Variants in NRG3 observed in about 807,000 individuals in gnomAD.
NRG3 encodes pro-neuregulin-3, membrane-bound isoform.
In NRG3, 31 loss-of-function variants were observed where a neutral mutation model predicts 66.9. The ratio of observed to expected loss-of-function variants is 0.46; its 90% CI spans 0.35 to 0.63. The LOEUF (loss-of-function observed/expected upper bound fraction) is 0.63, where lower values mean the gene tolerates loss of function less well. Among genes scored for constraint, NRG3 ranks in the 20% least tolerant of loss-of-function variants. The pLI, the probability that NRG3 is intolerant of heterozygous loss-of-function variation, is 0.00. For missense variants in NRG3, 910 were observed against 878.9 expected (o/e 1.04, Z -0.45); for synonymous variants, 393 against 359.4 (o/e 1.09, Z -1.06).
intron 4 of NRG3, among the ~76,000 whole-genome samples, chr10:82,914,399 T>C (rs1206707830): frequency 1.3e-5 from 2 of 152,164 alleles, no homozygotes; most frequent in African/African-American, 4.8e-5. Context: ...GTAAAAGGGA[T>C]TGACATAAGT....
intron 2 of NRG3, among the ~76,000 whole-genome samples, chr10:82,417,301 A>G (rs1414070978): frequency 6.6e-6 from 1 of 152,200 alleles, no homozygotes; most frequent in African/African-American, 2.4e-5. Flanking sequence ...TGATGCTGGA[A>G]TTGAAATCCA....
intron 1 of NRG3, among the ~76,000 whole-genome samples, chr10:82,273,815 G>GT (rs1265101650): frequency 6.6e-6 from 1 of 151,914 alleles, no homozygotes; most frequent in Non-Finnish European, 1.5e-5. Context: ...GCCACAAGTT[G>GT]TTTTTTTCTT....
chr10:82,683,139 T>C (rs1034917285), intron 2 of NRG3, among the ~76,000 whole-genome samples: 1 of 151,906 alleles, frequency 6.6e-6, no homozygotes, highest in African/African-American at 2.4e-5. Context: ...TTTGTATTTT[T>C]AGTAGAGACG....
At chr10:82,751,733 A>C (rs891159055) in intron 3 of NRG3, among the ~76,000 whole-genome samples, 1 of 152,184 alleles carries the variant, frequency 6.6e-6, no homozygotes, top group African/African-American at 2.4e-5. Context: ...GAACATCATC[A>C]AGACTTATTG....
At chr10:81,901,466 G>C (rs1459852124) in intron 1 of NRG3, among the ~76,000 whole-genome samples, 1 of 152,114 alleles carries the variant, frequency 6.6e-6, no homozygotes, top group Non-Finnish European at 1.5e-5. Flanking sequence ...CCAGGAGTTT[G>C]AAACTAGCCT....
At chr10:82,101,674 G>A (rs1833867058) in intron 1 of NRG3, among the ~76,000 whole-genome samples, 1 of 151,658 alleles carries the variant, frequency 6.6e-6, no homozygotes, top group African/African-American at 2.4e-5. Context: ...GTTCAACTCT[G>A]TTATGCTAAG....
At chr10:82,408,115 G>GA (rs1165458434) in intron 2 of NRG3, among the ~76,000 whole-genome samples, 1 of 139,278 alleles carries the variant, frequency 7.2e-6, no homozygotes, top group Non-Finnish European at 1.5e-5. Context: ...AAGAAAGAAA[G>GA]AAAGAAAGAA....
At position 82,351,446 on chromosome 10, in the gene NRG3, A is replaced by G. The variant is rs540547330; in HGVS notation, c.824-7293A>G. ...CAGAAGAAGGAGAGCCATGTAATTC[A>G]AGTCTTTGGTGGCATCTCTTTCAAG... On this transcript the variant is annotated intron_variant, in intron 1 of 8. Transcript: ENST00000372141. Among the ~76,000 whole-genome samples the G allele has an allele frequency of 5.9e-5, 9 of 152,310 alleles. No homozygotes were observed. In the South Asian group the frequency reaches 1.9e-3, roughly 32 times the overall value.
intron 1 of NRG3, among the ~76,000 whole-genome samples, chr10:82,057,594 A>G (rs2063910658): frequency 6.6e-6 from 1 of 152,116 alleles, no homozygotes; most frequent in Non-Finnish European, 1.5e-5. Context: ...GGCCTTAGCA[A>G]TCTATAACTA....
intron 2 of NRG3, among the ~76,000 whole-genome samples, chr10:82,362,547 G>GT (rs1564840163): frequency 1.1e-3 from 51 of 47,230 alleles, no homozygotes; most frequent in East Asian, 4.5e-3. Flanking sequence ...ATAATTTCTG[G>GT]GTTTTTTTTT....
intron 2 of NRG3, among the ~76,000 whole-genome samples, chr10:82,687,081 C>G (rs1287245380): frequency 6.6e-6 from 1 of 152,180 alleles, no homozygotes; most frequent in Non-Finnish European, 1.5e-5. Flanking sequence ...GTCATCATGC[C>G]CTCCGGAGCA....
At chr10:81,904,006 T>G (rs997091416) in intron 1 of NRG3, among the ~76,000 whole-genome samples, 3 of 136,818 alleles carry the variant, frequency 2.2e-5, no homozygotes, top group Admixed American at 7.1e-5. Flanking sequence ...ATTTTTTTTT[T>G]TTGTTTGTTT....
chr10:82,881,461 T>C (rs576204757), intron 4 of NRG3, among the ~76,000 whole-genome samples: 1 of 152,340 alleles, frequency 6.6e-6, no homozygotes, highest in African/African-American at 2.4e-5. Context: ...CATGCTTGTA[T>C]GAGAATATGG....
At chr10:82,885,713 T>C (rs1351523807) in intron 4 of NRG3, among the ~76,000 whole-genome samples, 1 of 152,212 alleles carries the variant, frequency 6.6e-6, no homozygotes, top group African/African-American at 2.4e-5. Context: ...GGGGAAAGTT[T>C]ACCGGATATC....
At chr10:82,670,825 C>A (rs564636680) in intron 2 of NRG3, among the ~76,000 whole-genome samples, 1 of 152,260 alleles carries the variant, frequency 6.6e-6, no homozygotes, top group African/African-American at 2.4e-5. Flanking sequence ...CTTTTGTGTT[C>A]TTTTTAGGCA....
intron 1 of NRG3, among the ~76,000 whole-genome samples, chr10:82,116,570 A>G (rs2067733273): frequency 6.6e-6 from 1 of 152,186 alleles, no homozygotes; most frequent in Non-Finnish European, 1.5e-5. Context: ...GTGCATTTTA[A>G]AATAACGAAA....
chr10:82,703,056 TTC>T (rs72202035), intron 2 of NRG3, among the ~76,000 whole-genome samples: 21 of 149,570 alleles, frequency 1.4e-4, no homozygotes, highest in Admixed American at 2.7e-4. Flanking sequence ...TCTTTTGTCT[TTC>T]TCTCTCTCTC....
At chr10:82,729,294 AC>A (rs1292680131) in intron 2 of NRG3, among the ~76,000 whole-genome samples, 1 of 152,060 alleles carries the variant, frequency 6.6e-6, no homozygotes, top group Non-Finnish European at 1.5e-5. Context: ...TCTTCCAACA[AC>A]CTGTCATTGT....
At position 82,985,593 on chromosome 10, in the gene NRG3, A is replaced by T; in HGVS notation, c.2079A>T (p.Ala693=). 1 of 1,611,472 alleles carries T rather than the reference A, an allele frequency of 6.2e-7. No individual in the cohort carries two copies. Among genetic ancestry groups the T allele is most frequent in the Non-Finnish European group, 8.5e-7 (1 of 1,179,808 alleles). ...VLRNEIQRDS[A]LTK ...GAAATGAAATACAAAGAGACTCTGC[A>T]TTGACCAAGTGACTTGAGATGTAGG... The change falls in exon 9 of 9, where the codon GCA becomes GCT. Residue 693 remains alanine, a synonymous_variant. Transcript: ENST00000372141.
Sources: gnomAD v4.1 joint callset for allele counts (sites outside exome capture counted in the v4.1 genomes callset) on GRCh38, gnomAD v4.1.1 for gene constraint, MANE v1.5 for transcripts, NCBI Gene and HGNC (gene_info 2026-07-23, HGNC 2026-07-21) for gene names.